The following TMEM44 variants were observed in gnomAD, a reference collection of about 807,000 sequenced individuals.
The protein encoded by TMEM44 is transmembrane protein 44.
TMEM44 carries 43 observed loss-of-function variants against 47.8 expected under a neutral mutation model. The observed-to-expected ratio is 0.90, with a 90% CI of 0.70 to 1.16. The LOEUF is 1.16. Among genes scored for constraint, TMEM44 ranks in the 50% most tolerant of loss-of-function variants. The pLI is 0.00. For missense variants in TMEM44, 568 were observed against 555.2 expected, an observed-to-expected ratio of 1.02 and a Z score of -0.23; for synonymous variants, 277 against 238.8, an observed-to-expected ratio of 1.16 and a Z score of -1.48.
At chr3:194,630,699 C>T (rs1439028622) in intron 1 of TMEM44, among the ~76,000 whole-genome samples, 4 of 143,752 alleles carry the variant, frequency 2.8e-5, no homozygotes, top group Admixed American at 1.4e-4. Flanking sequence ...ACTGATAGGG[C>T]CCCTGAAATG....
At chr3:194,618,443 T>C (rs1278142499) in intron 5 of TMEM44, among the ~76,000 whole-genome samples, 1 of 149,784 alleles carries the variant, frequency 6.7e-6, no homozygotes, top group African/African-American at 2.4e-5. Context: ...ATAGTTTATA[T>C]TAAACTCATT....
intron 5 of TMEM44, 99 bp from the exon 6 acceptor site, chr3:194,617,368 G>A: frequency 7.6e-7 from 1 of 1,319,654 alleles, no homozygotes. Context: ...CCCTCTGCCT[G>A]CAGCCAGTCC....
At chr3:194,592,375 T>A (rs1256432300) in intron 9 of TMEM44, among the ~76,000 whole-genome samples, 1 of 152,168 alleles carries the variant, frequency 6.6e-6, no homozygotes, top group African/African-American at 2.4e-5. Context: ...AAGGGTGGCA[T>A]GGAGACAGCA....
In TMEM44 at chr3:194,591,351, A is replaced by G. The variant is rs1443351110; in HGVS notation, c.1177-2712T>C. The stretch of plus-strand genomic sequence containing the variant: ...CTATTAAAAATACAAAAAATTAGCC[A>G]GGCATGGTGACAGGCGCCTATAATC... On this transcript the variant is annotated intron_variant, in intron 9 of 9. Coordinates refer to ENST00000347147, the MANE Select transcript of TMEM44 (RefSeq NM_001011655.3). Among the ~76,000 whole-genome samples, 23 of 152,032 alleles carry G rather than the reference A, an allele frequency of 1.5e-4. No individual in the cohort carries two copies. The East Asian group carries it at 4.5e-3, about 30-fold the overall frequency.
At chr3:194,607,200 T>C (rs545560245) in intron 8 of TMEM44, among the ~76,000 whole-genome samples, 1 of 152,076 alleles carries the variant, frequency 6.6e-6, no homozygotes, top group East Asian at 1.9e-4. Context: ...CTGGCACCCC[T>C]TCCTCTCTCT....
intron 1 of TMEM44, among the ~76,000 whole-genome samples, chr3:194,632,286 C>G (rs187713172): frequency 1.3e-5 from 2 of 152,168 alleles, no homozygotes. Flanking sequence ...CTCTGCAATA[C>G]GACCAAACGC....
At chr3:194,598,276 A>T (rs115949764) in intron 9 of TMEM44, among the ~76,000 whole-genome samples, 3,106 of 152,000 alleles carry the variant, frequency 0.02, 95 homozygotes, top group African/African-American at 0.071. Context: ...CTGTTCTGAC[A>T]CTCCTTGAGA....
intron 5 of TMEM44, among the ~76,000 whole-genome samples, chr3:194,620,083 G>C (rs953030700): frequency 2.6e-5 from 4 of 152,072 alleles, no homozygotes; most frequent in African/African-American, 9.7e-5. Context: ...CGAATGTCAG[G>C]AGTTCGAGAC....
At chr3:194,605,565 C>A (rs1012602015) in intron 8 of TMEM44, among the ~76,000 whole-genome samples, 5 of 152,116 alleles carry the variant, frequency 3.3e-5, no homozygotes, top group Non-Finnish European at 5.9e-5. Context: ...GGGAGCTCCT[C>A]TTTATAAAAC....
Position 194,592,208 on chromosome 3 carries a change from G to C in TMEM44, c.1177-3569C>G, listed in dbSNP as rs373314008. ...AGTCCGCAGTCCGGCCTGGGCGACA[G>C]AGCGAGACTCCGTCTCAAAAAAAAA... On this transcript the variant is annotated intron_variant, in intron 9 of 9. Transcript: ENST00000347147. 1.5e-3 allele frequency among the ~76,000 whole-genome samples: 211 copies of C among 140,172 alleles called. 1 individual carries two copies. Among genetic ancestry groups the C allele is most frequent in the African/African-American group, 5.5e-3 (204 of 36,996 alleles). The allele number at this position is 140,172 out of a possible 152,430, so 92.0% of individuals were successfully genotyped here.
rs1189974627 is a variant in TMEM44 at position 194,616,853 on chromosome 3, C to T, written c.783+246G>A. The stretch of plus-strand genomic sequence containing the variant: ...AAGGTTGCAGTGAGCCAAGATCACG[C>T]CACTGCACTCCAGCCTGGGCAACAC... On this transcript the variant is annotated intron_variant, in intron 6 of 9. Transcript: ENST00000347147. The T allele has an allele frequency of 1.7e-5, 9 of 538,372 alleles. No homozygotes were observed. In the East Asian group the frequency reaches 2.7e-4, roughly 16 times the overall value. 33.3% of individuals were successfully genotyped at this position (538,372 alleles called of 1,614,324 possible). A position where few individuals can be genotyped will look rare whatever the true frequency, so the allele number is the denominator to read the frequency against.
intron 8 of TMEM44, among the ~76,000 whole-genome samples, chr3:194,610,410 C>T (rs538066095): frequency 6.6e-6 from 1 of 152,240 alleles, no homozygotes; most frequent in South Asian, 2.1e-4. Flanking sequence ...TTAACCTCCC[C>T]TAACTGCCTG....
chr3:194,600,683 G>A (rs1349216669), intron 9 of TMEM44, among the ~76,000 whole-genome samples: 2 of 152,076 alleles, frequency 1.3e-5, no homozygotes, highest in African/African-American at 2.4e-5. Flanking sequence ...CCTGGGAGGC[G>A]GAGATTGCAG....
intron 9 of TMEM44, among the ~76,000 whole-genome samples, chr3:194,599,055 G>A (rs1271037412): frequency 6.6e-6 from 1 of 152,210 alleles, no homozygotes; most frequent in African/African-American, 2.4e-5. Flanking sequence ...GACACCCTGG[G>A]TGGTCTGAGC....
intron 7 of TMEM44, among the ~76,000 whole-genome samples, chr3:194,613,965 A>G (rs1344230255): frequency 6.6e-6 from 1 of 151,778 alleles, no homozygotes; most frequent in East Asian, 2.0e-4. Flanking sequence ...TCTACTAAAA[A>G]TACAAAATTA....
intron 3 of TMEM44, 130 bp from the exon 4 acceptor site, chr3:194,623,825 C>G (rs1716853437): frequency 1.7e-6 from 2 of 1,185,216 alleles, no homozygotes; most frequent in Non-Finnish European, 2.4e-6. Context: ...ATTCTGCAGG[C>G]CAGCTCCTCC....
chr3:194,588,733 G>T, intron 9 of TMEM44, 94 bp from the exon 10 acceptor site: 1 of 1,248,690 alleles, frequency 8.0e-7, no homozygotes, highest in Non-Finnish European at 1.2e-6. Flanking sequence ...TCCAATCTTG[G>T]TTCTCATGAT....
rs141641353 is a variant in TMEM44, at chr3:194,624,569, C to T, written c.359-874G>A. ...AAACAGCTGGGACCACAGGCATGCA[C>T]CATCATGCCCAGCTACTTTTTAAAA... On this transcript the variant is annotated intron_variant, in intron 3 of 9. Coordinates refer to ENST00000347147, the MANE Select transcript of TMEM44 (RefSeq NM_001011655.3). 4.2e-3 allele frequency among the ~76,000 whole-genome samples: 637 copies of T among 152,226 alleles called. 6 individuals carry two copies. The highest frequency in any genetic ancestry group is 0.012 in the Admixed American group (178 of 15,284).
rs1040865655 is a variant in TMEM44 at position 194,600,501 on chromosome 3, C to A, written c.1176+3786G>T. Among the ~76,000 whole-genome samples the A allele has an allele frequency of 2.0e-5, 3 of 151,916 alleles. No homozygotes were observed. In the South Asian group the frequency reaches 6.2e-4, roughly 31 times the overall value. On this transcript the variant is annotated intron_variant, in intron 9 of 9. Coordinates refer to ENST00000347147, the MANE Select transcript of TMEM44 (RefSeq NM_001011655.3). ...AGGTGGCTCACGCCTGTAATCCCAG[C>A]ACTTTGGGAGGCTGAGGTGGGCAGG...
Sources: gnomAD v4.1 joint callset for allele counts (sites outside exome capture counted in the v4.1 genomes callset) on GRCh38, gnomAD v4.1.1 for gene constraint, MANE v1.5 for transcripts, NCBI Gene and HGNC (gene_info 2026-07-23, HGNC 2026-07-21) for gene names.